Variants in LSMEM2 observed in about 807,000 individuals in gnomAD.
The protein encoded by LSMEM2 is leucine rich single-pass membrane protein 2.
Under a neutral mutation model 17.3 loss-of-function variants are expected in LSMEM2, and 20 were observed. The observed-to-expected ratio is 1.16, with a 90% CI of 0.81 to 1.68. LSMEM2 has a LOEUF of 1.68. LSMEM2 is among the 40% of genes most tolerant of loss of function. The probability of loss-of-function intolerance (pLI) is 0.00; values close to 1 mark genes in which losing one functional copy is unlikely to be tolerated. For missense variants in LSMEM2, 207 were observed against 214.3 expected (o/e 0.97, Z 0.21); for synonymous variants, 94 against 97.8 (o/e 0.96, Z 0.23).
chr3:50,286,386 G>A (rs1210456963), intron 1 of LSMEM2, 85 bp from the exon 2 acceptor site: 27 of 1,487,092 alleles, frequency 1.8e-5, no homozygotes, highest in Non-Finnish European at 2.1e-5. Flanking sequence ...CCTATCATCC[G>A]CAAGTCCTTG....
chr3:50,287,371 C>A lies in LSMEM2; in HGVS notation c.*169C>A. 1 of 924,970 alleles carries A rather than the reference C, an allele frequency of 1.1e-6. No homozygotes were observed. Among genetic ancestry groups the A allele is most frequent in the Non-Finnish European group, 1.6e-6 (1 of 622,824 alleles). The allele number at this position is 924,970 out of a possible 1,614,324, so 57.3% of individuals were successfully genotyped here. On this transcript the variant is annotated 3_prime_UTR_variant, in exon 4 of 4. Coordinates refer to ENST00000316436, the MANE Select transcript of LSMEM2 (RefSeq NM_153215.3). ...TTAATGGCTGCCTCCCTCTCCTGAT[C>A]TCTTCAAGCCAGGCCTAGCCAAGCC...
chr3:50,287,100 A>ACAC lies in LSMEM2; in HGVS notation c.394_396dup (p.His132dup). The ACAC allele has an allele frequency of 6.2e-7, 1 of 1,614,150 alleles. No individual in the cohort carries two copies. Among genetic ancestry groups the ACAC allele is most frequent in the Non-Finnish European group, 8.5e-7 (1 of 1,180,020 alleles). On this transcript the variant is annotated inframe_insertion, in exon 4 of 4. Coordinates refer to ENST00000316436, the MANE Select transcript of LSMEM2 (RefSeq NM_153215.3). ...AGAGTGAATCCCTGCGCATCCTGGC[A>ACAC]CACACGCTCCGCACGCAGGAGGAGA...
At position 50,279,121 on chromosome 3, in the gene LSMEM2, C is replaced by T. The variant is rs1161273067; in HGVS notation, c.8C>T (p.Ser3Leu). 1.2e-6 allele frequency: 2 copies of T among 1,614,072 alleles called. No homozygotes were observed. Among genetic ancestry groups the T allele is most frequent in the African/African-American group, 2.7e-5 (2 of 74,924 alleles). MP[S>L]LAPDCPLLAM... Reference sequence around the variant, plus strand: ...GTCCAGTCCTGCTACTGGATGCCATCATTGGCCCCCGACTGCCCACTGCTT... The same window carrying T: ...GTCCAGTCCTGCTACTGGATGCCATTATTGGCCCCCGACTGCCCACTGCTT... Residue 3 changes from serine to leucine, a missense_variant, in exon 1 of 4, where the codon TCA becomes TTA. Coordinates refer to ENST00000316436, the MANE Select transcript of LSMEM2 (RefSeq NM_153215.3).
intron 1 of LSMEM2, among the ~76,000 whole-genome samples, chr3:50,280,815 G>A (rs587650953): frequency 2.0e-5 from 3 of 151,416 alleles, no homozygotes. Flanking sequence ...GCATGGTCTC[G>A]ATCTTCTGAC....
Position 50,287,094 on chromosome 3 carries a change from C to T in LSMEM2, c.387C>T (p.Ile129=). The change falls in exon 4 of 4, where the codon ATC becomes ATT. Residue 129 remains isoleucine (I), a synonymous_variant. Transcript: ENST00000316436. ...LSVLQSESLR[I]LAHTLRTQEE... ...TGCTGCAGAGTGAATCCCTGCGCAT[C>T]CTGGCACACACGCTCCGCACGCAGG... The T allele has an allele frequency of 2.5e-6, 4 of 1,614,172 alleles. No homozygotes were observed. Among genetic ancestry groups the T allele is most frequent in the Non-Finnish European group, 3.4e-6 (4 of 1,180,026 alleles).
At chr3:50,286,314 T>A (rs1701523727) in intron 1 of LSMEM2, 157 bp from the exon 2 acceptor site, 1 of 678,838 alleles carries the variant, frequency 1.5e-6, no homozygotes, top group South Asian at 6.6e-5. Flanking sequence ...TCATCCTGGA[T>A]CCAAATCAAG....
At chr3:50,283,698 G>A (rs1033592862) in intron 1 of LSMEM2, among the ~76,000 whole-genome samples, 1 of 150,824 alleles carries the variant, frequency 6.6e-6, no homozygotes, top group Non-Finnish European at 1.5e-5. Flanking sequence ...ACTAAGGAGG[G>A]TGAGGTAGGA....
chr3:50,277,911 G>A (rs778800136), upstream of LSMEM2, among the ~76,000 whole-genome samples: 1 of 152,152 alleles, frequency 6.6e-6, no homozygotes, highest in Non-Finnish European at 1.5e-5. Context: ...AGGTTGCAGT[G>A]AGCCGAGATC....
At position 50,287,310 on chromosome 3, in the gene LSMEM2, C is replaced by A; in HGVS notation, c.*108C>A. 1 of 1,432,646 alleles carries A rather than the reference C, an allele frequency of 7.0e-7. No individual in the cohort carries two copies. The highest frequency in any genetic ancestry group is 9.6e-7 in the Non-Finnish European group (1 of 1,037,290). The allele number at this position is 1,432,646 out of a possible 1,614,324, so 88.7% of individuals were successfully genotyped here. A position where few individuals can be genotyped will look rare whatever the true frequency, so the allele number is the denominator to read the frequency against. ...CTGGCTGCCACATCTACACTATTTCCTTGGTGAGATTTTTGTACAAGAACC... is the reference window on the plus strand; with the variant it reads ...CTGGCTGCCACATCTACACTATTTCATTGGTGAGATTTTTGTACAAGAACC... On this transcript the variant is annotated 3_prime_UTR_variant, in exon 4 of 4. Transcript: ENST00000316436.
At position 50,287,676 on chromosome 3, in the gene LSMEM2, T is replaced by C. The variant is rs587693210; in HGVS notation, c.*474T>C. 281 of 217,026 alleles carry C rather than the reference T, an allele frequency of 1.3e-3. 1 individual carries two copies. Among genetic ancestry groups the C allele is most frequent in the Middle Eastern group, 7.9e-3 (4 of 508 alleles). 13.4% of individuals were successfully genotyped at this position (217,026 alleles called of 1,614,324 possible). Reference sequence around the variant, plus strand: ...CAAAGGTGACATCGTGGAAGACCAGTTGGGCCCAAGCCTGGGATAGTAGAT... The same window carrying C: ...CAAAGGTGACATCGTGGAAGACCAGCTGGGCCCAAGCCTGGGATAGTAGAT... On this transcript the variant is annotated 3_prime_UTR_variant, in exon 4 of 4. Coordinates refer to ENST00000316436, the MANE Select transcript of LSMEM2 (RefSeq NM_153215.3).
intron 1 of LSMEM2, 198 bp from the exon 2 acceptor site, chr3:50,286,273 G>C (rs1553708401): frequency 3.2e-6 from 1 of 313,900 alleles, no homozygotes; most frequent in African/African-American, 2.3e-5. Context: ...TGTTGCTCCT[G>C]TATACAGAAT....
chr3:50,287,527 G>GC lies in LSMEM2; in HGVS notation c.*330dup, dbSNP rs1553708803. 2.7e-6 allele frequency: 1 copy of GC among 366,738 alleles called. No homozygotes were observed. Among genetic ancestry groups the GC allele is most frequent in the Non-Finnish European group, 5.1e-6 (1 of 194,692 alleles). The allele number at this position is 366,738 out of a possible 1,614,324, so 22.7% of individuals were successfully genotyped here. On this transcript the variant is annotated 3_prime_UTR_variant, in exon 4 of 4. Coordinates refer to ENST00000316436, the MANE Select transcript of LSMEM2 (RefSeq NM_153215.3). ...CAGGTTCTGAAGTCTAGAAATAGCT[G>GC]CCCCCATAGCAATCACCCAAACTCT...
rs1701588120 is a variant in LSMEM2, at chr3:50,287,932, C to G, written c.*730C>G. 1 of 476,036 alleles carries G rather than the reference C, an allele frequency of 2.1e-6. No individual in the cohort carries two copies. The highest frequency in any genetic ancestry group is 2.7e-5 in the South Asian group (1 of 37,348). The allele number at this position is 476,036 out of a possible 1,614,324, so 29.5% of individuals were successfully genotyped here. The stretch of plus-strand genomic sequence containing the variant: ...AAGGAAGGGAAAGGCCCCCTAGTGC[C>G]TGCCCCACAGCCCTGAGGAAGGCAC... On this transcript the variant is annotated 3_prime_UTR_variant, in exon 4 of 4. Coordinates refer to ENST00000316436, the MANE Select transcript of LSMEM2 (RefSeq NM_153215.3).
At chr3:50,283,144 C>T (rs782146036) in intron 1 of LSMEM2, among the ~76,000 whole-genome samples, 9 of 151,950 alleles carry the variant, frequency 5.9e-5, no homozygotes, top group Non-Finnish European at 1.3e-4. Flanking sequence ...GAGATTGCGC[C>T]ACTGCACTCC....
rs1553708488 is a variant in LSMEM2, at chr3:50,286,531, T to A, written c.119T>A (p.Val40Glu). The A allele has an allele frequency of 3.7e-6, 6 of 1,612,338 alleles. No homozygotes were observed. The highest frequency in any genetic ancestry group is 5.1e-6 in the Non-Finnish European group (6 of 1,179,432). ...AGGGGGCCATTGGCCCCCAACCACG[T>A]GCATGAGGTATGCCTGCACCAGGTG... is the stretch of plus-strand genomic sequence containing the variant. Reference protein sequence around the residue: ...RSRGPLAPNHVHEVCLHQVES... With the variant: ...RSRGPLAPNHEHEVCLHQVES... Residue 40 changes from valine (V) to glutamate (E), a missense_variant, in exon 2 of 4, where the codon GTG (valine) becomes GAG (glutamate). Coordinates refer to ENST00000316436, the MANE Select transcript of LSMEM2 (RefSeq NM_153215.3).
upstream of LSMEM2, among the ~76,000 whole-genome samples, chr3:50,278,282 T>C (rs1701319929): frequency 6.6e-6 from 1 of 152,236 alleles, no homozygotes; most frequent in Admixed American, 6.5e-5. Context: ...AGCTGGAAGC[T>C]GGACCACCTC....
upstream of LSMEM2, among the ~76,000 whole-genome samples, chr3:50,278,651 GACAC>G (rs1701326806): frequency 6.6e-6 from 1 of 152,200 alleles, no homozygotes; most frequent in African/African-American, 2.4e-5. Context: ...CCCTCTATAA[GACAC>G]ACACAACAAT....
chr3:50,287,011 G>A, intron 3 of LSMEM2, 58 bp from the exon 4 acceptor site: 1 of 1,606,842 alleles, frequency 6.2e-7, no homozygotes, highest in Admixed American at 1.7e-5. Flanking sequence ...CCTGGGCTGG[G>A]TCTGCAGGGG....
chr3:50,284,213 A>AC (rs1701466595), intron 1 of LSMEM2, among the ~76,000 whole-genome samples: 1 of 151,608 alleles, frequency 6.6e-6, no homozygotes, highest in Admixed American at 6.6e-5. Context: ...CAAAAAAAAA[A>AC]AAAAAAAAAA....
Sources: gnomAD v4.1 joint callset for allele counts (sites outside exome capture counted in the v4.1 genomes callset) on GRCh38, gnomAD v4.1.1 for gene constraint, MANE v1.5 for transcripts, NCBI Gene and HGNC (gene_info 2026-07-23, HGNC 2026-07-21) for gene names.